The following RABGAP1L variants were observed in gnomAD, a reference collection of about 807,000 sequenced individuals.
RABGAP1L encodes the protein RAB GTPase activating protein 1 like, also known as rab GTPase-activating protein 1-like.
Under a neutral mutation model 137.7 loss-of-function variants are expected in RABGAP1L, and 63 were observed. The observed-to-expected ratio is 0.46, with a 90% CI of 0.37 to 0.56. The LOEUF (loss-of-function observed/expected upper bound fraction) is 0.56, where lower values mean the gene tolerates loss of function less well. Among genes scored for constraint, RABGAP1L ranks in the 20% least tolerant of loss-of-function variants. The pLI, the probability that RABGAP1L is intolerant of heterozygous loss-of-function variation, is 0.00. For missense variants in RABGAP1L, 1,095 were observed against 1,244.0 expected (o/e 0.88, Z 1.80); for synonymous variants, 431 against 433.7 (o/e 0.99, Z 0.08).
chr1:174,402,479 A>G (rs987874072), intron 13 of RABGAP1L, among the ~76,000 whole-genome samples: 7 of 152,184 alleles, frequency 4.6e-5, no homozygotes, highest in Non-Finnish European at 8.8e-5. Flanking sequence ...TCAGTGAGTA[A>G]GAAAGAAGTT....
chr1:174,350,158 C>T (rs1349776865), intron 11 of RABGAP1L, among the ~76,000 whole-genome samples: 14 of 141,934 alleles, frequency 9.9e-5, no homozygotes, highest in African/African-American at 2.9e-4. Flanking sequence ...ACCTCCCTCC[C>T]GGATGGGGCG....
chr1:174,170,824 T>C (rs1253590436), intron 1 of RABGAP1L, among the ~76,000 whole-genome samples: 2 of 152,152 alleles, frequency 1.3e-5, no homozygotes, highest in South Asian at 2.1e-4. Flanking sequence ...AGGATAGTTA[T>C]GAGAATCAAA....
At chr1:174,305,968 A>C (rs1017810173) in intron 11 of RABGAP1L, among the ~76,000 whole-genome samples, 4 of 151,954 alleles carry the variant, frequency 2.6e-5, no homozygotes, top group Non-Finnish European at 4.4e-5. Context: ...CCTGTGTCCA[A>C]GTGTTCTCAT....
intron 11 of RABGAP1L, among the ~76,000 whole-genome samples, chr1:174,345,929 G>GT (rs560117254): frequency 2.3e-4 from 35 of 151,090 alleles, no homozygotes; most frequent in Middle Eastern, 3.5e-3. Context: ...TCTGTATCCA[G>GT]TTTTTTTTTG....
At chr1:174,618,072 C>T in intron 13 of RABGAP1L, among the ~76,000 whole-genome samples, 1 of 152,210 alleles carries the variant, frequency 6.6e-6, no homozygotes, top group Non-Finnish European at 1.5e-5. Context: ...GATCAAACTG[C>T]AAGGCAGCAG....
chr1:174,283,758 C>T (rs377030695), intron 10 of RABGAP1L, among the ~76,000 whole-genome samples: 149 of 152,262 alleles, frequency 9.8e-4, no homozygotes, highest in African/African-American at 3.2e-3. Flanking sequence ...CCACCCTCCT[C>T]GGCCTCCCAA....
At chr1:174,577,882 T>C (rs1383487939) in intron 13 of RABGAP1L, among the ~76,000 whole-genome samples, 2 of 152,234 alleles carry the variant, frequency 1.3e-5, no homozygotes, top group Non-Finnish European at 2.9e-5. Flanking sequence ...AATGGGCTTA[T>C]AAATGAGAAA....
At chr1:174,446,227 A>G (rs1283943086) in intron 13 of RABGAP1L, among the ~76,000 whole-genome samples, 2 of 152,214 alleles carry the variant, frequency 1.3e-5, no homozygotes, top group African/African-American at 4.8e-5. Context: ...AGCAGCTGAT[A>G]AGAGTGAATG....
chr1:174,964,730 G>A (rs1383782238), intron 20 of RABGAP1L: 14 of 1,167,196 alleles, frequency 1.2e-5, no homozygotes, highest in Non-Finnish European at 1.5e-5. Flanking sequence ...TTGAAGATAT[G>A]AGTCTTCCTG....
intron 19 of RABGAP1L, among the ~76,000 whole-genome samples, chr1:174,906,686 G>A (rs903816994): frequency 2.0e-5 from 3 of 151,798 alleles, no homozygotes; most frequent in Non-Finnish European, 4.4e-5. Flanking sequence ...GTACAAGAAA[G>A]CCTGAGATCA....
At chr1:174,603,411 C>G (rs1347763189) in intron 13 of RABGAP1L, among the ~76,000 whole-genome samples, 1 of 152,136 alleles carries the variant, frequency 6.6e-6, no homozygotes, top group Non-Finnish European at 1.5e-5. Context: ...GACCCGAATC[C>G]AGCACAGTAC....
intron 13 of RABGAP1L, among the ~76,000 whole-genome samples, chr1:174,407,752 T>C (rs1051494552): frequency 6.6e-6 from 1 of 152,218 alleles, no homozygotes; most frequent in Non-Finnish European, 1.5e-5. Flanking sequence ...ATGTGACTTT[T>C]CTGTGCTTCT....
At chr1:174,524,573 T>A (rs1208520755) in intron 13 of RABGAP1L, among the ~76,000 whole-genome samples, 1 of 152,188 alleles carries the variant, frequency 6.6e-6, no homozygotes, top group Non-Finnish European at 1.5e-5. Context: ...TTTGCAGATA[T>A]TTTCTCCTGT....
In RABGAP1L at chr1:174,720,249, G is replaced by GTAGATAGA. The variant is rs370669512; in HGVS notation, c.2169+18030_2169+18037dup. Among the ~76,000 whole-genome samples, 322 of 143,758 alleles carry GTAGATAGA rather than the reference G, an allele frequency of 2.2e-3. 5 individuals are homozygous for GTAGATAGA. The highest frequency in any genetic ancestry group is 2.9e-3 in the Admixed American group (42 of 14,422). The allele number at this position is 143,758 out of a possible 152,430, so 94.3% of individuals were successfully genotyped here. A position where few individuals can be genotyped will look rare whatever the true frequency, so the allele number is the denominator to read the frequency against. On this transcript the variant is annotated intron_variant, in intron 17 of 25. Coordinates refer to ENST00000681986, the MANE Select transcript of RABGAP1L (RefSeq NM_001366446.1). ...ACTGGAGATAGCTAGCTAGCTAGATGTAGATAGATAGATAGATAGATAGAT... is the reference window on the plus strand; with the variant it reads ...ACTGGAGATAGCTAGCTAGCTAGATGTAGATAGATAGATAGATAGATAGATAGATAGAT...
chr1:174,697,600 T>A (rs1167587429), intron 15 of RABGAP1L, among the ~76,000 whole-genome samples: 1 of 152,176 alleles, frequency 6.6e-6, no homozygotes, highest in Non-Finnish European at 1.5e-5. Context: ...ATTACAGGCG[T>A]GAGCCACCGC....
intron 13 of RABGAP1L, among the ~76,000 whole-genome samples, chr1:174,547,625 GAAGAA>G (rs970655650): frequency 6.6e-6 from 1 of 152,006 alleles, no homozygotes; most frequent in African/African-American, 2.4e-5. Flanking sequence ...TAAAAGAAAA[GAAGAA>G]AAGAAATATA....
At chr1:174,449,280 G>T (rs967807698) in intron 13 of RABGAP1L, 5 of 1,207,690 alleles carry the variant, frequency 4.1e-6, no homozygotes, top group Non-Finnish European at 5.8e-6. Flanking sequence ...TGCCATCAGA[G>T]AAATATTTAC....
intron 13 of RABGAP1L, among the ~76,000 whole-genome samples, chr1:174,480,816 G>A (rs912928175): frequency 9.2e-5 from 14 of 152,216 alleles, no homozygotes; most frequent in African/African-American, 3.4e-4. Flanking sequence ...ACCCTTCCAC[G>A]GGTGAGAATA....
chr1:174,895,384 C>G (rs556247077), intron 19 of RABGAP1L, among the ~76,000 whole-genome samples: 8 of 151,164 alleles, frequency 5.3e-5, no homozygotes, highest in African/African-American at 1.9e-4. Context: ...ATAATTCCAC[C>G]CAGGGTGAAA....
Sources: allele counts gnomAD v4.1 joint callset (sites outside exome capture counted in the v4.1 genomes callset), GRCh38; gene constraint gnomAD v4.1.1; transcripts MANE v1.5; gene names NCBI Gene and HGNC (gene_info 2026-07-23, HGNC 2026-07-21).